UNK: variants seen among roughly 807,000 people sequenced by gnomAD.
UNK encodes unk zinc finger, also known as RING finger protein unkempt homolog.
Under a neutral mutation model 97.6 loss-of-function variants are expected in UNK, and 32 were observed. That is an observed-to-expected ratio of 0.33 (90% CI 0.25 to 0.44). The LOEUF (loss-of-function observed/expected upper bound fraction) is 0.44, where lower values mean the gene tolerates loss of function less well. Among genes scored for constraint, UNK ranks in the 20% least tolerant of loss-of-function variants. The pLI is 1.00. For missense variants in UNK, 771 were observed against 1,098.4 expected, an observed-to-expected ratio of 0.70 and a Z score of 4.21; for synonymous variants, 441 against 461.2, an observed-to-expected ratio of 0.96 and a Z score of 0.56.
chr17:75,803,537 G>A (rs527533880), intron 1 of UNK, among the ~76,000 whole-genome samples: 3 of 152,242 alleles, frequency 2.0e-5, no homozygotes, highest in East Asian at 1.9e-4. Flanking sequence ...TGTGTACAGC[G>A]GAAGAATAAT....
At chr17:75,800,398 T>TA (rs1289861373) in intron 1 of UNK, among the ~76,000 whole-genome samples, 2 of 151,778 alleles carry the variant, frequency 1.3e-5, no homozygotes, top group African/African-American at 4.8e-5. Flanking sequence ...GTTGAAAAGA[T>TA]ATTTCGTGAT....
chr17:75,807,272 A>T (rs1358385925), intron 1 of UNK, among the ~76,000 whole-genome samples: 1 of 152,132 alleles, frequency 6.6e-6, no homozygotes, highest in Non-Finnish European at 1.5e-5. Flanking sequence ...CTGCAATCCC[A>T]GCTACTCTGG....
At chr17:75,790,768 TA>T (rs898953145) in intron 1 of UNK, among the ~76,000 whole-genome samples, 2 of 151,360 alleles carry the variant, frequency 1.3e-5, no homozygotes, top group Non-Finnish European at 2.9e-5. Flanking sequence ...CCATCTCTAC[TA>T]AAAATACAAA....
chr17:75,822,582 C>T lies in UNK; in HGVS notation c.1943C>T (p.Ala648Val). The T allele has an allele frequency of 1.2e-6, 2 of 1,613,546 alleles. No homozygotes were observed. Among genetic ancestry groups the T allele is most frequent in the East Asian group, 4.5e-5 (2 of 44,876 alleles). ...FLSGPGAAEL[A>V]RLRQELDEAN... is the part of the protein sequence containing the mutation. Reference sequence around the variant, plus strand: ...TCAGGGCCAGGGGCTGCCGAGCTGGCCCGACTTCGGCAAGAGCTGGATGAA... The same window carrying T: ...TCAGGGCCAGGGGCTGCCGAGCTGGTCCGACTTCGGCAAGAGCTGGATGAA... The change falls in exon 14 of 16, where the codon GCC becomes GTC. Residue 648 changes from alanine (A) to valine (V), a missense_variant. Transcript: ENST00000589666.
chr17:75,802,831 CAATT>C (rs2061873519), intron 1 of UNK, among the ~76,000 whole-genome samples: 1 of 152,140 alleles, frequency 6.6e-6, no homozygotes, highest in Non-Finnish European at 1.5e-5. Flanking sequence ...TGTCAGTAGT[CAATT>C]AAAAAAGAAG....
At chr17:75,793,320 C>A in intron 1 of UNK, 1 of 670,072 alleles carries the variant, frequency 1.5e-6, no homozygotes, top group Non-Finnish European at 1.8e-6. Flanking sequence ...AAGGACAGGC[C>A]ATGTGTTTTA....
chr17:75,824,186 T>A lies in UNK; in HGVS notation c.2278-76T>A. 1 of 1,447,566 alleles carries A rather than the reference T, an allele frequency of 6.9e-7. No individual in the cohort carries two copies. Among genetic ancestry groups the A allele is most frequent in the Non-Finnish European group, 9.2e-7 (1 of 1,091,088 alleles). The allele number at this position is 1,447,566 out of a possible 1,614,324, so 89.7% of individuals were successfully genotyped here. On this transcript the variant is annotated intron_variant, in intron 15 of 15. Coordinates refer to ENST00000589666, the MANE Select transcript of UNK (RefSeq NM_001080419.3). This position sits in a 1 kb window ranked among gnomAD's most constrained non-coding sequence, Gnocchi z 4.9. ...GTTTTCCCATCCCAAGGGGCTGCAG[T>A]GAGGATCAAGGGAACTCCTCGCTCA...
At chr17:75,792,031 T>C in intron 1 of UNK, 1 of 985,426 alleles carries the variant, frequency 1.0e-6, no homozygotes. Flanking sequence ...TGAGGTCTCT[T>C]TCCTGTGTGT....
intron 1 of UNK, among the ~76,000 whole-genome samples, chr17:75,790,526 G>A (rs1356137311): frequency 6.6e-6 from 1 of 152,066 alleles, no homozygotes; most frequent in African/African-American, 2.4e-5. Flanking sequence ...TGGATACTCA[G>A]GAGGCCGAGG....
intron 1 of UNK, chr17:75,808,900 G>A (rs2061942592): frequency 6.6e-6 from 1 of 152,272 alleles, no homozygotes; most frequent in South Asian, 2.1e-4. Flanking sequence ...CCACTGGGTG[G>A]AATGTGGGAG....
At chr17:75,798,871 C>T (rs1443313646) in intron 1 of UNK, among the ~76,000 whole-genome samples, 1 of 151,678 alleles carries the variant, frequency 6.6e-6, no homozygotes, top group Non-Finnish European at 1.5e-5. Flanking sequence ...TCGAGACCAT[C>T]CTGGCTAACA....
intron 13 of UNK, chr17:75,821,974 A>C: frequency 3.2e-6 from 1 of 316,626 alleles, no homozygotes; most frequent in Non-Finnish European, 6.2e-6. Flanking sequence ...TGTCTGTAAA[A>C]CAAGGGGGAT....
intron 1 of UNK, among the ~76,000 whole-genome samples, chr17:75,799,982 A>G (rs2061840802): frequency 6.6e-6 from 1 of 152,188 alleles, no homozygotes. Flanking sequence ...AAGACAAAAA[A>G]ACCCAAGTGT....
At chr17:75,823,569 G>C in intron 15 of UNK, 47 bp downstream of exon 15, 1 of 1,484,692 alleles carries the variant, frequency 6.7e-7, no homozygotes, top group Non-Finnish European at 9.0e-7. Flanking sequence ...GGTGGCCTCA[G>C]CCAGCTCTTG....
intron 13 of UNK, 62 bp from the exon 14 acceptor site, chr17:75,822,415 G>A (rs1187011159): frequency 6.5e-7 from 1 of 1,535,680 alleles, no homozygotes; most frequent in Non-Finnish European, 8.8e-7. Context: ...TCTGAGGCAG[G>A]GCTGGCCAGG....
intron 1 of UNK, among the ~76,000 whole-genome samples, chr17:75,787,781 T>C (rs1251909093): frequency 2.7e-5 from 4 of 149,692 alleles, no homozygotes; most frequent in Non-Finnish European, 5.9e-5. Context: ...GCAGAGATTG[T>C]GCCACTGCAC....
chr17:75,821,336 G>T (rs1250007440), intron 13 of UNK: 1 of 456,200 alleles, frequency 2.2e-6, no homozygotes, highest in Middle Eastern at 3.3e-4. Context: ...CTGTCCAGCA[G>T]CTGTGGCCAG....
Position 75,824,337 on chromosome 17 carries a change from G to T in UNK, c.2353G>T (p.Ala785Ser), listed in dbSNP as rs751777473. ...GCGGGCAGTGCTGCCGTGCCAACACGCTGCGCTGTGTGAGCTCTGCGCTGA... is the reference window on the plus strand; with the variant it reads ...GCGGGCAGTGCTGCCGTGCCAACACTCTGCGCTGTGTGAGCTCTGCGCTGA... ...QKRAVLPCQH[A>S]ALCELCAEGS... is the part of the protein sequence containing the mutation. The change falls in exon 16 of 16, where the codon GCT (alanine) becomes TCT (serine). Residue 785 changes from alanine to serine, a missense_variant. This residue lies in a region of UNK where 208 missense variants were observed against 257.4 expected (regional missense o/e 0.81). Transcript: ENST00000589666. This position sits in a 1 kb window ranked among gnomAD's most constrained non-coding sequence, Gnocchi z 4.9. 2.5e-6 allele frequency: 4 copies of T among 1,602,764 alleles called. No individual in the cohort carries two copies. In the African/African-American group the frequency reaches 4.0e-5, roughly 16 times the overall value.
At chr17:75,790,038 G>A (rs2143670929) in intron 1 of UNK, among the ~76,000 whole-genome samples, 1 of 152,304 alleles carries the variant, frequency 6.6e-6, no homozygotes, top group East Asian at 1.9e-4. Flanking sequence ...AGCTACTGAG[G>A]AGGCTGAGGC....
Sources: allele counts gnomAD v4.1 joint callset (sites outside exome capture counted in the v4.1 genomes callset), GRCh38; gene constraint gnomAD v4.1.1; regional missense constraint gnomAD v4.1.1; non-coding constraint Gnocchi (gnomAD v3.1); transcripts MANE v1.5; gene names NCBI Gene and HGNC (gene_info 2026-07-23, HGNC 2026-07-21).